The following CRISP1 variants were observed in gnomAD, a reference collection of about 807,000 sequenced individuals.
The protein encoded by CRISP1 is cysteine rich secretory protein 1.
A neutral mutation model predicts 33.1 loss-of-function variants in CRISP1; 44 were observed. That is an observed-to-expected ratio of 1.33 (90% confidence interval 1.05 to 1.71). The LOEUF (loss-of-function observed/expected upper bound fraction) is 1.71. Among genes scored for constraint, CRISP1 ranks in the 40% most tolerant of loss-of-function variants. The probability of loss-of-function intolerance (pLI) is 0.00; values close to 1 mark genes in which losing one functional copy is unlikely to be tolerated. For missense variants in CRISP1, 390 were observed against 301.2 expected (o/e 1.29, Z -2.18); for synonymous variants, 103 against 98.7 (o/e 1.04, Z -0.26).
At position 49,835,414 on chromosome 6, in the gene CRISP1, A is replaced by C; in HGVS notation, c.652T>G (p.Phe218Val). The C allele has an allele frequency of 6.2e-7, 1 of 1,613,786 alleles. No individual in the cohort carries two copies. Among genetic ancestry groups the C allele is most frequent in the African/African-American group, 1.3e-5 (1 of 75,052 alleles). ...TAATGGACTTGTATGTCACAGTCGA[A>C]GTATTCATCATAGTAGATGCAGGGG... ...TNPCIYYDEYFDCDIQVHYLG... is the reference protein window; with the variant it reads ...TNPCIYYDEYVDCDIQVHYLG... Residue 218 changes from phenylalanine to valine, a missense_variant, in exon 8 of 8, where the codon TTC becomes GTC. Phe to Val is a conservative substitution (Grantham distance 50). Coordinates refer to ENST00000335847, the MANE Select transcript of CRISP1 (RefSeq NM_001131.3).
At position 49,840,974 on chromosome 6, in the gene CRISP1, G is replaced by A; in HGVS notation, c.457C>T (p.Leu153=). 6.2e-7 allele frequency: 1 copy of A among 1,613,854 alleles called. No homozygotes were observed. Among genetic ancestry groups the A allele is most frequent in the East Asian group, 2.2e-5 (1 of 44,870 alleles). The change falls in exon 6 of 8, where the codon CTG becomes TTG. Residue 153 remains leucine (L), a synonymous_variant. Coordinates refer to ENST00000335847, the MANE Select transcript of CRISP1 (RefSeq NM_001131.3). The part of the protein sequence containing the change: ...YTQIVWATSY[L]IGCAIASCRQ... ...CAAGATGCAATGGCACAGCCAATCAGGTAAGATGTGGCCCAAACAATCTGC... is the reference window on the plus strand; with the variant it reads ...CAAGATGCAATGGCACAGCCAATCAAGTAAGATGTGGCCCAAACAATCTGC...
intron 7 of CRISP1, among the ~76,000 whole-genome samples, chr6:49,837,835 G>A (rs1561937748): frequency 6.6e-6 from 1 of 151,350 alleles, no homozygotes; most frequent in Non-Finnish European, 1.5e-5. Flanking sequence ...GGCTATCTAA[G>A]GGAATAAACA....
chr6:49,876,605 T>C (rs1772040868), intron 1 of CRISP1, among the ~76,000 whole-genome samples: 1 of 152,022 alleles, frequency 6.6e-6, no homozygotes, highest in African/African-American at 2.4e-5. Flanking sequence ...AGCAGCACTA[T>C]TCTTAACAGC....
At chr6:49,859,324 T>C (rs1771581886) in intron 1 of CRISP1, among the ~76,000 whole-genome samples, 1 of 151,774 alleles carries the variant, frequency 6.6e-6, no homozygotes, top group African/African-American at 2.4e-5. Flanking sequence ...TGGAGCCACA[T>C]TGACATTTCC....
At chr6:49,844,899 C>T (rs1460671500) in intron 5 of CRISP1, among the ~76,000 whole-genome samples, 1 of 152,154 alleles carries the variant, frequency 6.6e-6, no homozygotes, top group Non-Finnish European at 1.5e-5. Flanking sequence ...GGATGAATCA[C>T]ATCTTGAATC....
Position 49,866,519 on chromosome 6 carries a change from G to A in CRISP1, c.-93C>T, listed in dbSNP as rs956842376. The stretch of plus-strand genomic sequence containing the variant: ...TTGTGCTTTTAAATGACAGTCCACA[G>A]GGGAGATTTGTTCAATGAGGTAGTC... On this transcript the variant is annotated 5_prime_UTR_variant, in exon 1 of 8. Transcript: ENST00000335847. The A allele has an allele frequency of 5.3e-5, 8 of 152,138 alleles. No homozygotes were observed. 9.4% of individuals were successfully genotyped at this position (152,138 alleles called of 1,614,324 possible). A position where few individuals can be genotyped will look rare whatever the true frequency, so the allele number is the denominator to read the frequency against.
rs756792397 is a variant in CRISP1 at position 49,851,977 on chromosome 6, G to C, written c.195+24C>G. 8.1e-6 allele frequency: 13 copies of C among 1,597,696 alleles called. No individual in the cohort carries two copies. The Admixed American group carries it at 2.3e-4, about 28-fold the overall frequency. On this transcript the variant is annotated intron_variant, in intron 3 of 7. Coordinates refer to ENST00000335847, the MANE Select transcript of CRISP1 (RefSeq NM_001131.3). Reference sequence around the variant, plus strand: ...CACCATTACTATTATTGCAATCATGGTTGTTGCTATTTTTTGATCTTACCA... The same window carrying C: ...CACCATTACTATTATTGCAATCATGCTTGTTGCTATTTTTTGATCTTACCA...
chr6:49,868,501 A>G (rs1197579242), upstream of CRISP1, among the ~76,000 whole-genome samples: 1 of 152,196 alleles, frequency 6.6e-6, no homozygotes, highest in Non-Finnish European at 1.5e-5. Context: ...GAAACTTTAA[A>G]TCAATCATTT....
chr6:49,835,749 C>A (rs1770769008), intron 7 of CRISP1, among the ~76,000 whole-genome samples: 1 of 152,030 alleles, frequency 6.6e-6, no homozygotes, highest in African/African-American at 2.4e-5. Flanking sequence ...ATTAACTATG[C>A]CATTGCAATA....
intron 2 of CRISP1, among the ~76,000 whole-genome samples, chr6:49,856,770 A>G (rs1200159669): frequency 1.3e-5 from 2 of 152,146 alleles, no homozygotes; most frequent in Non-Finnish European, 2.9e-5. Flanking sequence ...TTGGCTGATC[A>G]TAAAATATTA....
upstream of CRISP1, among the ~76,000 whole-genome samples, chr6:49,869,708 T>A (rs1234675361): frequency 6.6e-6 from 1 of 152,138 alleles, no homozygotes; most frequent in Non-Finnish European, 1.5e-5. Flanking sequence ...TGTTAAAAAA[T>A]CATGCCAAAA....
chr6:49,876,674 T>A (rs963789975), intron 1 of CRISP1, among the ~76,000 whole-genome samples: 4 of 151,982 alleles, frequency 2.6e-5, no homozygotes, highest in Non-Finnish European at 5.9e-5. Context: ...GAAAATGCGA[T>A]ACATATACAC....
At chr6:49,840,739 G>A (rs936441155) in intron 6 of CRISP1, among the ~76,000 whole-genome samples, 159 bp downstream of exon 6, 1 of 152,072 alleles carries the variant, frequency 6.6e-6, no homozygotes, top group Non-Finnish European at 1.5e-5. Flanking sequence ...TACAGATTGT[G>A]TAACCATTCA....
intron 1 of CRISP1, among the ~76,000 whole-genome samples, chr6:49,863,410 A>G (rs1771706672): frequency 6.6e-6 from 1 of 152,192 alleles, no homozygotes. Context: ...AGCTCTTCTG[A>G]ACAGAAGTAT....
At position 49,840,887 on chromosome 6, in the gene CRISP1, A is replaced by C; in HGVS notation, c.533+11T>G. On this transcript the variant is annotated intron_variant, in intron 6 of 7. Coordinates refer to ENST00000335847, the MANE Select transcript of CRISP1 (RefSeq NM_001131.3). Reference sequence around the variant, plus strand: ...AGGGGGATATATATTTTAAAAACTAATAATACATACTCATGACAATAGTGA... The same window carrying C: ...AGGGGGATATATATTTTAAAAACTACTAATACATACTCATGACAATAGTGA... 2 of 1,604,546 alleles carry C rather than the reference A, an allele frequency of 1.2e-6. No homozygotes were observed. Among genetic ancestry groups the C allele is most frequent in the South Asian group, 2.2e-5 (2 of 90,668 alleles).
At chr6:49,838,576 T>G in intron 6 of CRISP1, 51 bp from the exon 7 acceptor site, 1 of 1,430,286 alleles carries the variant, frequency 7.0e-7, no homozygotes, top group Non-Finnish European at 9.8e-7. Context: ...AAAACTCACA[T>G]AAAACTTTAC....
chr6:49,862,754 A>G (rs1235779871), intron 1 of CRISP1, among the ~76,000 whole-genome samples: 2 of 151,544 alleles, frequency 1.3e-5, no homozygotes, highest in Admixed American at 1.3e-4. Flanking sequence ...CTTTGGCTTG[A>G]GGTCAATGAA....
Position 49,851,710 on chromosome 6 carries a change from A to G in CRISP1, c.195+291T>C, listed in dbSNP as rs148870727. On this transcript the variant is annotated intron_variant, in intron 3 of 7. Coordinates refer to ENST00000335847, the MANE Select transcript of CRISP1 (RefSeq NM_001131.3). The stretch of plus-strand genomic sequence containing the variant: ...GGATATCAGAGAGTGAGACCCAGGA[A>G]AGTGTGCTTTACTAAGTTCTTCAGG... Among the ~76,000 whole-genome samples, 417 of 152,286 alleles carry G rather than the reference A, an allele frequency of 2.7e-3. 3 individuals carry two copies. The highest frequency in any genetic ancestry group is 9.6e-3 in the African/African-American group (399 of 41,570).
At chr6:49,866,192 A>G (rs1371870572) in intron 1 of CRISP1, among the ~76,000 whole-genome samples, 4 of 152,152 alleles carry the variant, frequency 2.6e-5, no homozygotes, top group Non-Finnish European at 4.4e-5. Context: ...GCCCTCCCCA[A>G]GAAGTTCATG....
Sources: gnomAD v4.1 joint callset for allele counts (sites outside exome capture counted in the v4.1 genomes callset) on GRCh38, gnomAD v4.1.1 for gene constraint, MANE v1.5 for transcripts, NCBI Gene and HGNC (gene_info 2026-07-23, HGNC 2026-07-21) for gene names.